Variants in POTEJ observed in about 807,000 individuals in gnomAD.
The protein encoded by POTEJ is POTE ankyrin domain family member J, also known as POTE ankyrin domain family, member J.
Under a neutral mutation model 69.0 loss-of-function variants are expected in POTEJ, and 11 were observed. That is an observed-to-expected ratio of 0.16 (90% CI 0.10 to 0.26). The LOEUF is 0.26. Ranked by LOEUF, POTEJ falls within the 10% of genes least tolerant of loss-of-function variation. The probability of loss-of-function intolerance (pLI) is 1.00; values close to 1 mark genes in which losing one functional copy is unlikely to be tolerated. For synonymous variants in POTEJ, 117 were observed against 381.1 expected (o/e 0.31, Z 8.07); for missense variants, 327 against 1,045.5 (o/e 0.31, Z 9.48).
chr2:130,637,652 G>C (rs1448454341), intron 9 of POTEJ, among the ~76,000 whole-genome samples: 2 of 152,296 alleles, frequency 1.3e-5, no homozygotes, highest in African/African-American at 4.8e-5. Context: ...CAAATAACGT[G>C]TGGGGTGTTG....
At chr2:130,639,020 C>T (rs1686221860) in intron 10 of POTEJ, among the ~76,000 whole-genome samples, 1 of 152,382 alleles carries the variant, frequency 6.6e-6, no homozygotes, top group Admixed American at 6.5e-5. Context: ...CAACCTAGAT[C>T]CCTCAGATGG....
rs1327556111 is a variant in POTEJ at position 130,613,411 on chromosome 2, CT to C, written c.410+1479del. ...ATATATATATATATATATATATATA[CT>C]TTTTTTTTTGGTGGAGTCTCACTCT... is the stretch of plus-strand genomic sequence containing the variant. On this transcript the variant is annotated intron_variant, in intron 1 of 14. Transcript: ENST00000409602. 1.9e-4 allele frequency among the ~76,000 whole-genome samples: 19 copies of C among 100,402 alleles called. No homozygotes were observed. The East Asian group carries it at 3.7e-3, about 20-fold the overall frequency. 65.9% of individuals were successfully genotyped at this position (100,402 alleles called of 152,430 possible).
chr2:130,655,337 A>G (rs1574000105), intron 14 of POTEJ, among the ~76,000 whole-genome samples: 1 of 152,336 alleles, frequency 6.6e-6, no homozygotes, highest in East Asian at 1.9e-4. Context: ...TTGCTACTGA[A>G]AACAGATTTT....
rs774724204 is a variant in POTEJ, at chr2:130,657,107, A to T, written c.2347A>T (p.Thr783Ser). 2 of 1,573,308 alleles carry T rather than the reference A, an allele frequency of 1.3e-6. No homozygotes were observed. Among genetic ancestry groups the T allele is most frequent in the Non-Finnish European group, 8.7e-7 (1 of 1,152,272 alleles). Residue 783 changes from threonine (T) to serine (S), a missense_variant, in exon 15 of 15, where the codon ACC (threonine) becomes TCC (serine). By Grantham distance (58) the Thr-to-Ser change is moderately conservative (BLOSUM62 1). Transcript: ENST00000409602. ...CCCCAAGGCCAACCGCGAGAAGATG[A>T]CCCAGATCATGTTTGAGACCTTCAA... ...LNPKANREKM[T>S]QIMFETFNTP... is the part of the protein sequence containing the mutation.
intron 10 of POTEJ, among the ~76,000 whole-genome samples, chr2:130,643,530 A>AG (rs1686473071): frequency 6.9e-6 from 1 of 144,106 alleles, no homozygotes; most frequent in Non-Finnish European, 1.5e-5. Flanking sequence ...AAAAAAAAAA[A>AG]AGAAAAAAAG....
At chr2:130,638,390 A>G (rs1194481423) in intron 9 of POTEJ, among the ~76,000 whole-genome samples, 1 of 150,414 alleles carries the variant, frequency 6.6e-6, no homozygotes, top group East Asian at 1.9e-4. Context: ...AAGTTAATTT[A>G]CTGGGTCACA....
intron 13 of POTEJ, among the ~76,000 whole-genome samples, chr2:130,647,355 G>A (rs1411709599): frequency 2.0e-5 from 3 of 151,286 alleles, no homozygotes; most frequent in African/African-American, 7.4e-5. Context: ...CCTGAGTGCT[G>A]AAATATTGGA....
intron 3 of POTEJ, among the ~76,000 whole-genome samples, chr2:130,619,804 G>T (rs1685485617): frequency 6.7e-6 from 1 of 149,650 alleles, no homozygotes; most frequent in Admixed American, 6.6e-5. Flanking sequence ...AGCCTTGGAA[G>T]CAGTAAATGT....
chr2:130,645,571 A>G lies in POTEJ; in HGVS notation c.1441-166A>G, dbSNP rs951932709. 6.9e-5 allele frequency among the ~76,000 whole-genome samples: 10 copies of G among 145,340 alleles called. 2 individuals are homozygous for G. The highest frequency in any genetic ancestry group is 1.5e-4 in the Non-Finnish European group (10 of 65,006). ...GATTAAAAAGTTAATTCTTAATTTT[A>G]ATTATTATTTATTTATTTTAACAGT... On this transcript the variant is annotated intron_variant, in intron 11 of 14. Transcript: ENST00000409602.
At chr2:130,644,508 T>G (rs1198771059) in intron 11 of POTEJ, among the ~76,000 whole-genome samples, 82 of 152,344 alleles carry the variant, frequency 5.4e-4, no homozygotes, top group African/African-American at 1.7e-3. Flanking sequence ...TTCTTAAAAT[T>G]TATTGTAATA....
intron 13 of POTEJ, among the ~76,000 whole-genome samples, chr2:130,651,796 A>G (rs1686815195): frequency 6.9e-6 from 1 of 145,202 alleles, no homozygotes; most frequent in Non-Finnish European, 1.5e-5. Context: ...TTTTTATCTC[A>G]TTAAAAAGTT....
At chr2:130,625,427 C>T (rs1333499445) in intron 6 of POTEJ, among the ~76,000 whole-genome samples, 1 of 151,864 alleles carries the variant, frequency 6.6e-6, no homozygotes, top group Non-Finnish European at 1.5e-5. Context: ...TCAGTGCTTA[C>T]TGTGTGCTAG....
intron 14 of POTEJ, among the ~76,000 whole-genome samples, chr2:130,655,583 A>G (rs1486424657): frequency 6.6e-6 from 1 of 152,200 alleles, no homozygotes; most frequent in Non-Finnish European, 1.5e-5. Context: ...ATTGATAAGT[A>G]TTTTCTTTCT....
At chr2:130,613,233 T>TAC (rs1685279058) in intron 1 of POTEJ, among the ~76,000 whole-genome samples, 1 of 127,022 alleles carries the variant, frequency 7.9e-6, no homozygotes, top group African/African-American at 2.8e-5. Context: ...CAGATATATA[T>TAC]ACATATATAT....
Position 130,651,813 on chromosome 2 carries a change from A to C in POTEJ, c.1668-3108A>C, listed in dbSNP as rs1376458534. On this transcript the variant is annotated intron_variant, in intron 13 of 14. Transcript: ENST00000409602. Reference sequence around the variant, plus strand: ...TTTATCTCATTAAAAAGTTGTTACAATTTTCTGCTGGCAAATCTAGCTTTT... The same window carrying C: ...TTTATCTCATTAAAAAGTTGTTACACTTTTCTGCTGGCAAATCTAGCTTTT... Among the ~76,000 whole-genome samples the C allele has an allele frequency of 5.5e-5, 8 of 145,430 alleles. 2 individuals carry two copies. Among genetic ancestry groups the C allele is most frequent in the African/African-American group, 2.1e-4 (8 of 38,560 alleles).
rs1355465277 is a variant in POTEJ, at chr2:130,611,717, G to T, written c.185G>T (p.Gly62Val). 6.4e-7 allele frequency: 1 copy of T among 1,561,938 alleles called. No individual in the cohort carries two copies. Among genetic ancestry groups the T allele is most frequent in the Non-Finnish European group, 8.7e-7 (1 of 1,148,002 alleles). ...STMKTLRSKMGKWCCHCFPCC... is the reference protein window; with the variant it reads ...STMKTLRSKMVKWCCHCFPCC... ...ATGAAGACACTCAGGAGCAAGATGG[G>T]CAAGTGGTGCTGCCACTGCTTCCCC... Residue 62 changes from glycine (G) to valine (V), a missense_variant, in exon 1 of 15, where the codon GGC becomes GTC. By Grantham distance (109) the Gly-to-Val change is moderately radical. Coordinates refer to ENST00000409602, the MANE Select transcript of POTEJ (RefSeq NM_001277083.2).
In POTEJ at chr2:130,646,179, C is replaced by A; in HGVS notation, c.1536C>A (p.His512Gln). The A allele has an allele frequency of 9.3e-6, 11 of 1,179,692 alleles. No individual in the cohort carries two copies. Among genetic ancestry groups the A allele is most frequent in the Non-Finnish European group, 1.2e-5 (11 of 890,580 alleles). The allele number at this position is 1,179,692 out of a possible 1,614,324, so 73.1% of individuals were successfully genotyped here. Residue 512 changes from histidine (H) to glutamine (Q), a missense_variant, in exon 13 of 15, where the codon CAC becomes CAA. Transcript: ENST00000409602. ...AAATGAAGAAGCACGGAAGTACTCACGTCGGATTCCCAGAAAACCTGACTA... is the reference window on the plus strand; with the variant it reads ...AAATGAAGAAGCACGGAAGTACTCAAGTCGGATTCCCAGAAAACCTGACTA... The part of the protein sequence containing the change: ...IEEMKKHGST[H>Q]VGFPENLTNG...
At chr2:130,626,711 A>G (rs1193993853) in intron 6 of POTEJ, among the ~76,000 whole-genome samples, 3 of 152,174 alleles carry the variant, frequency 2.0e-5, no homozygotes, top group African/African-American at 7.3e-5. Flanking sequence ...GTAGTCAGCT[A>G]TAGTTTCCTT....
rs1685385890 is a variant in POTEJ at position 130,615,634 on chromosome 2, C to T, written c.411-1156C>T. Among the ~76,000 whole-genome samples the T allele has an allele frequency of 2.8e-5, 4 of 141,600 alleles. 1 individual carries two copies. The highest frequency in any genetic ancestry group is 2.1e-4 in the Admixed American group (3 of 14,430). The allele number at this position is 141,600 out of a possible 152,430, so 92.9% of individuals were successfully genotyped here. On this transcript the variant is annotated intron_variant, in intron 1 of 14. Transcript: ENST00000409602. The stretch of plus-strand genomic sequence containing the variant: ...TGGAGGGTGGGAAGAGGGAAAGAAG[C>T]AGGAAATAGAACGAACGGGTACTGG...
Sources: gnomAD v4.1 joint callset for allele counts (sites outside exome capture counted in the v4.1 genomes callset) on GRCh38, gnomAD v4.1.1 for gene constraint, MANE v1.5 for transcripts, NCBI Gene and HGNC (gene_info 2026-07-23, HGNC 2026-07-21) for gene names.